KCTD21: variants seen among roughly 807,000 people sequenced by gnomAD.
The protein encoded by KCTD21 is BTB/POZ domain-containing protein KCTD21.
In KCTD21, 9 loss-of-function variants were observed where a neutral mutation model predicts 13.2. That is an observed-to-expected ratio of 0.68 (90% CI 0.41 to 1.19). The LOEUF is 1.19. Ranked by LOEUF, KCTD21 falls within the 50% of genes most tolerant of loss-of-function variation. The probability of loss-of-function intolerance (pLI) is 0.01; values close to 1 mark genes in which losing one functional copy is unlikely to be tolerated. For missense variants in KCTD21, 303 were observed against 336.5 expected (o/e 0.90, Z 0.78); for synonymous variants, 142 against 137.4 (o/e 1.03, Z -0.23).
chr11:78,176,828 T>TACTACAACAACAACA (rs371830742), intron 1 of KCTD21: 2 of 148,430 alleles, frequency 1.3e-5, no homozygotes, highest in South Asian at 2.2e-4. Flanking sequence ...ATCCTGTCTC[T>TACTACAACAACAACA]ACAACAACAA....
intron 1 of KCTD21, among the ~76,000 whole-genome samples, chr11:78,177,359 C>T (rs887486028): frequency 6.6e-6 from 1 of 152,210 alleles, no homozygotes; most frequent in Non-Finnish European, 1.5e-5. Flanking sequence ...ACGAAATCGT[C>T]AGTAGAAGCC....
intron 1 of KCTD21, among the ~76,000 whole-genome samples, chr11:78,181,531 C>T (rs1565385785): frequency 2.0e-5 from 3 of 152,154 alleles, no homozygotes; most frequent in Admixed American, 6.5e-5. Flanking sequence ...CAAAGAAACA[C>T]AAGGCATATT....
intron 1 of KCTD21, among the ~76,000 whole-genome samples, chr11:78,186,403 A>AAAAAAAAAAG (rs1862771709): frequency 7.3e-6 from 1 of 136,626 alleles, no homozygotes; most frequent in Non-Finnish European, 1.6e-5. Context: ...AAAAAAAAAA[A>AAAAAAAAAAG]AAAAGAAAAG....
At chr11:78,181,098 ATGT>A (rs1862604389) in intron 1 of KCTD21, among the ~76,000 whole-genome samples, 1 of 152,188 alleles carries the variant, frequency 6.6e-6, no homozygotes, top group Non-Finnish European at 1.5e-5. Context: ...AGTCTGGGGT[ATGT>A]TGTTATTAGC....
chr11:78,184,865 G>A (rs1862726343), intron 1 of KCTD21, among the ~76,000 whole-genome samples: 1 of 151,910 alleles, frequency 6.6e-6, no homozygotes, highest in South Asian at 2.1e-4. Context: ...ATTTTCCCAA[G>A]TAGCTGGGAC....
At chr11:78,187,649 C>A in intron 1 of KCTD21, 2 of 985,414 alleles carry the variant, frequency 2.0e-6, no homozygotes, top group Non-Finnish European at 2.4e-6. Flanking sequence ...TATGTCTCCT[C>A]CAAACAGTAA....
chr11:78,187,164 G>A, intron 1 of KCTD21: 1 of 985,406 alleles, frequency 1.0e-6, no homozygotes, highest in East Asian at 1.1e-4. Context: ...AATGCTCAGA[G>A]TGAGTACTGT....
chr11:78,180,886 G>A (rs1757952750), intron 1 of KCTD21, among the ~76,000 whole-genome samples: 1 of 121,076 alleles, frequency 8.3e-6, no homozygotes, highest in African/African-American at 3.3e-5. Context: ...TTTTCCTCAT[G>A]CTGTTCTTGT....
At chr11:78,186,365 C>T (rs1862764245) in intron 1 of KCTD21, among the ~76,000 whole-genome samples, 2 of 86,014 alleles carry the variant, frequency 2.3e-5, no homozygotes, top group Admixed American at 1.7e-4. Context: ...GAGTAAGACC[C>T]TGTCTCAAAA....
At chr11:78,186,245 A>G (rs1862759194) in intron 1 of KCTD21, among the ~76,000 whole-genome samples, 1 of 151,348 alleles carries the variant, frequency 6.6e-6, no homozygotes, top group Non-Finnish European at 1.5e-5. Context: ...GCATGGTAAC[A>G]CGTGCTTGCA....
At chr11:78,174,722 T>C (rs1015927884) in intron 1 of KCTD21, 139 bp from the exon 2 acceptor site, 1 of 627,894 alleles carries the variant, frequency 1.6e-6, no homozygotes, top group Non-Finnish European at 2.8e-6. Context: ...TGATAATTGC[T>C]AACACTGTGC....
At position 78,174,171 on chromosome 11, in the gene KCTD21, G is replaced by A. The variant is rs148417710; in HGVS notation, c.384C>T (p.Arg128=). ...QRVQTVHFTV[R]EAPQIYSLSS... ...AGAGGCTGTAGATCTGGGGTGCCTC[G>A]CGCACAGTGAAGTGGACCGTCTGCA... The change falls in exon 2 of 2, where the codon CGC becomes CGT. Residue 128 remains arginine (R), a synonymous_variant. Transcript: ENST00000340067. The A allele has an allele frequency of 1.8e-4, 286 of 1,614,096 alleles. No homozygotes were observed. Among genetic ancestry groups the A allele is most frequent in the African/African-American group, 1.8e-3 (132 of 75,024 alleles).
In KCTD21 at chr11:78,183,887, G is replaced by A. The variant is rs181003280; in HGVS notation, c.-30+4686C>T. Among the ~76,000 whole-genome samples, 1,117 of 152,040 alleles carry A rather than the reference G, an allele frequency of 7.3e-3. 13 individuals are homozygous for A. Among genetic ancestry groups the A allele is most frequent in the African/African-American group, 0.025 (1,045 of 41,484 alleles). ...CCTGACCTCGTGATCCGCCCGCCTCGGCCTCCCAAAGTGCTGGGATTACAG... is the reference window on the plus strand; with the variant it reads ...CCTGACCTCGTGATCCGCCCGCCTCAGCCTCCCAAAGTGCTGGGATTACAG... On this transcript the variant is annotated intron_variant, in intron 1 of 1. Coordinates refer to ENST00000340067, the MANE Select transcript of KCTD21 (RefSeq NM_001029859.3).
In KCTD21 at chr11:78,171,511, G is replaced by A. The variant is rs139497615; in HGVS notation, c.*2261C>T. 5.6e-4 allele frequency: 86 copies of A among 152,766 alleles called. No homozygotes were observed. The highest frequency in any genetic ancestry group is 8.1e-4 in the Non-Finnish European group (55 of 68,040). 9.5% of individuals were successfully genotyped at this position (152,766 alleles called of 1,614,324 possible). The stretch of plus-strand genomic sequence containing the variant: ...ACAGTTTTATGGAAAAGGAGAAAGG[G>A]CAGTGGTGATTTGTAAGATTTCTTC... On this transcript the variant is annotated 3_prime_UTR_variant, in exon 2 of 2. Coordinates refer to ENST00000340067, the MANE Select transcript of KCTD21 (RefSeq NM_001029859.3).
intron 1 of KCTD21, among the ~76,000 whole-genome samples, chr11:78,185,685 A>C (rs910838648): frequency 6.6e-6 from 1 of 151,694 alleles, no homozygotes; most frequent in Admixed American, 6.6e-5. Context: ...TCTGCCTCCC[A>C]GGTTCAAGTG....
rs1187868190 is a variant in KCTD21 at position 78,188,590 on chromosome 11, C to T, written c.-47G>A. 1.0e-6 allele frequency: 1 copy of T among 985,466 alleles called. No homozygotes were observed. Among genetic ancestry groups the T allele is most frequent in the Admixed American group, 6.1e-5 (1 of 16,272 alleles). 61.0% of individuals were successfully genotyped at this position (985,466 alleles called of 1,614,324 possible). A position where few individuals can be genotyped will look rare whatever the true frequency, so the allele number is the denominator to read the frequency against. On this transcript the variant is annotated 5_prime_UTR_variant, in exon 1 of 2. Coordinates refer to ENST00000340067, the MANE Select transcript of KCTD21 (RefSeq NM_001029859.3). Reference sequence around the variant, plus strand: ...GCACCCACCTCCTGCCCTCGCTCTGCAGCCTCTCCCTCCGCGAGCGGCCAG... The same window carrying T: ...GCACCCACCTCCTGCCCTCGCTCTGTAGCCTCTCCCTCCGCGAGCGGCCAG...
chr11:78,174,411 G>T lies in KCTD21; in HGVS notation c.144C>A (p.Phe48Leu). ...PTKRDSQGNC[F>L]IDRDGKVFRY... ...GGAACACTTTGCCGTCACGGTCAAT[G>T]AAGCAGTTGCCCTGGCTGTCCCTCT... The change falls in exon 2 of 2, where the codon TTC becomes TTA. Residue 48 changes from phenylalanine to leucine, a missense_variant. Coordinates refer to ENST00000340067, the MANE Select transcript of KCTD21 (RefSeq NM_001029859.3). 1 of 1,614,116 alleles carries T rather than the reference G, an allele frequency of 6.2e-7. No homozygotes were observed.
At chr11:78,188,114 G>A (rs936829304) in intron 1 of KCTD21, 37 of 985,256 alleles carry the variant, frequency 3.8e-5, no homozygotes, top group Non-Finnish European at 4.5e-5. Context: ...GCTCTCCAGA[G>A]CGGGGCAAGT....
At position 78,173,699 on chromosome 11, in the gene KCTD21, G is replaced by C; in HGVS notation, c.*73C>G. 1 of 1,279,334 alleles carries C rather than the reference G, an allele frequency of 7.8e-7. No individual in the cohort carries two copies. Among genetic ancestry groups the C allele is most frequent in the Non-Finnish European group, 1.1e-6 (1 of 907,494 alleles). The allele number at this position is 1,279,334 out of a possible 1,614,324, so 79.2% of individuals were successfully genotyped here. A position where few individuals can be genotyped will look rare whatever the true frequency, so the allele number is the denominator to read the frequency against. Reference sequence around the variant, plus strand: ...TATAGTCCCCTGCCTCGCACCACTGGCGAGATGCCCTCCAAGACCTGGCTG... The same window carrying C: ...TATAGTCCCCTGCCTCGCACCACTGCCGAGATGCCCTCCAAGACCTGGCTG... On this transcript the variant is annotated 3_prime_UTR_variant, in exon 2 of 2. Transcript: ENST00000340067.
Sources: gnomAD v4.1 joint callset for allele counts (sites outside exome capture counted in the v4.1 genomes callset) on GRCh38, gnomAD v4.1.1 for gene constraint, MANE v1.5 for transcripts, NCBI Gene and HGNC (gene_info 2026-07-23, HGNC 2026-07-21) for gene names.